ENTREP2: variants seen among roughly 807,000 people sequenced by gnomAD.
ENTREP2 encodes endosomal transmembrane epsin interactor 2.
chr15:29,237,232 A>T, the ENTREP2 span, among the ~76,000 whole-genome samples: 1 of 152,208 alleles, frequency 6.6e-6, no homozygotes, highest in African/African-American at 2.4e-5. Context: ...TTCTTCATAT[A>T]TTTTAGATAC....
the ENTREP2 span, among the ~76,000 whole-genome samples, chr15:29,263,754 T>C: frequency 1.3e-4 from 20 of 152,170 alleles, no homozygotes; most frequent in African/African-American, 2.2e-4. Context: ...ATATTTCCCA[T>C]AGGCATGAGC....
chr15:29,465,810 A>G, the ENTREP2 span, among the ~76,000 whole-genome samples: 99 of 152,344 alleles, frequency 6.5e-4, 1 homozygote, highest in East Asian at 0.012. Context: ...TAACACTAAC[A>G]TTTAATTAGT....
chr15:29,198,019 G>A, the ENTREP2 span, among the ~76,000 whole-genome samples: 1 of 152,138 alleles, frequency 6.6e-6, no homozygotes, highest in African/African-American at 2.4e-5. Context: ...CAACATGTCC[G>A]CCTCTCCTAA....
chr15:29,665,202 C>A, the ENTREP2 span, among the ~76,000 whole-genome samples: 1 of 152,236 alleles, frequency 6.6e-6, no homozygotes, highest in Non-Finnish European at 1.5e-5. Context: ...TCTGCTAGTG[C>A]CCTTCTTCTG....
chr15:29,585,211 C>T, the ENTREP2 span, among the ~76,000 whole-genome samples: 2 of 152,198 alleles, frequency 1.3e-5, no homozygotes, highest in Admixed American at 1.3e-4. Context: ...CTGGGAAATC[C>T]TTATATACTT....
chr15:29,164,699 G>A, the ENTREP2 span, among the ~76,000 whole-genome samples: 1 of 152,076 alleles, frequency 6.6e-6, no homozygotes, highest in African/African-American at 2.4e-5. Context: ...ATAGACCTAA[G>A]AAATGAGATA....
the ENTREP2 span, among the ~76,000 whole-genome samples, chr15:29,153,830 A>G: frequency 2.6e-5 from 4 of 152,150 alleles, no homozygotes; most frequent in East Asian, 1.9e-4. Context: ...GTTCTGAGAC[A>G]GGGTCTTGCT....
the ENTREP2 span, among the ~76,000 whole-genome samples, chr15:29,223,672 G>A: frequency 2.6e-5 from 4 of 152,104 alleles, no homozygotes; most frequent in Non-Finnish European, 5.9e-5. Flanking sequence ...AACACAATGC[G>A]GGCCCAGTAG....
chr15:29,452,518 T>C, the ENTREP2 span: 8 of 152,386 alleles, frequency 5.2e-5, no homozygotes, highest in African/African-American at 1.9e-4. Flanking sequence ...GTTTTCTTGG[T>C]AGTATCTGGC....
the ENTREP2 span, among the ~76,000 whole-genome samples, chr15:29,650,941 A>G: frequency 1.3e-5 from 2 of 152,192 alleles, no homozygotes; most frequent in Non-Finnish European, 2.9e-5. Flanking sequence ...GCTTGAGCCC[A>G]GGAGTTTGAG....
chr15:29,279,024 C>G, the ENTREP2 span, among the ~76,000 whole-genome samples: 1 of 152,176 alleles, frequency 6.6e-6, no homozygotes, highest in Non-Finnish European at 1.5e-5. Context: ...CCTGGTGTCT[C>G]TTCCTCCTTT....
chr15:29,517,484 C>G, the ENTREP2 span, among the ~76,000 whole-genome samples: 1 of 152,078 alleles, frequency 6.6e-6, no homozygotes, highest in Non-Finnish European at 1.5e-5. Flanking sequence ...TATGCCTGCA[C>G]TAATGTCCTC....
chr15:29,389,009 A>G, the ENTREP2 span, among the ~76,000 whole-genome samples: 1 of 151,940 alleles, frequency 6.6e-6, no homozygotes, highest in South Asian at 2.1e-4. Flanking sequence ...GATATACCTA[A>G]TGTAAATGAC....
chr15:29,364,866 A>G, the ENTREP2 span, among the ~76,000 whole-genome samples: 56 of 152,166 alleles, frequency 3.7e-4, no homozygotes, highest in Admixed American at 3.3e-4. Flanking sequence ...CACTACCACC[A>G]GCCGCCAGCA....
the ENTREP2 span, among the ~76,000 whole-genome samples, chr15:29,237,261 G>A: frequency 1.3e-5 from 2 of 152,114 alleles, no homozygotes; most frequent in South Asian, 4.1e-4. Flanking sequence ...TGGCATACAT[G>A]TGGCTCACTA....
chr15:29,294,701 G>A, the ENTREP2 span, among the ~76,000 whole-genome samples: 8 of 152,314 alleles, frequency 5.3e-5, no homozygotes, highest in Admixed American at 6.5e-5. Flanking sequence ...TTAAAACGCC[G>A]TGACTTTCTG....
At chr15:29,672,555 A>G in the ENTREP2 span, among the ~76,000 whole-genome samples, 1 of 152,094 alleles carries the variant, frequency 6.6e-6, no homozygotes, top group South Asian at 2.1e-4. Flanking sequence ...CTGCTTGAAC[A>G]TGGAGTCACC....
At chr15:29,393,165 T>C in the ENTREP2 span, among the ~76,000 whole-genome samples, 2 of 152,368 alleles carry the variant, frequency 1.3e-5, no homozygotes, top group African/African-American at 2.4e-5. Context: ...TGTTGTCTCA[T>C]TGTGATTTGC....
chr15:29,560,131 A>G, the ENTREP2 span, among the ~76,000 whole-genome samples: 1 of 152,204 alleles, frequency 6.6e-6, no homozygotes, highest in African/African-American at 2.4e-5. Flanking sequence ...AGCAGGCAGA[A>G]GTCTGTATTT....
Sources: allele counts gnomAD v4.1 joint callset (sites outside exome capture counted in the v4.1 genomes callset), GRCh38; gene constraint gnomAD v4.1.1; transcripts MANE v1.5; gene names NCBI Gene and HGNC (gene_info 2026-07-23, HGNC 2026-07-21).